The following FLT3 variants were observed in gnomAD, a reference collection of about 807,000 sequenced individuals.
FLT3 encodes the protein receptor-type tyrosine-protein kinase FLT3.
A neutral mutation model predicts 126.6 loss-of-function variants in FLT3; 46 were observed. The observed-to-expected ratio is 0.36, with a 90% CI of 0.29 to 0.46. The LOEUF is 0.46. Ranked by LOEUF, FLT3 falls within the 20% of genes least tolerant of loss-of-function variation. The pLI is 1.00. For missense variants in FLT3, 1,069 were observed against 1,190.3 expected (o/e 0.90, Z 1.50); for synonymous variants, 404 against 434.4 (o/e 0.93, Z 0.87).
chr13:28,089,549 T>C (rs1878892885), intron 1 of FLT3, among the ~76,000 whole-genome samples: 1 of 152,046 alleles, frequency 6.6e-6, no homozygotes, highest in Admixed American at 6.6e-5. Context: ...ATTACTGATA[T>C]ACGTAACAAT....
rs181300763 is a variant in FLT3 at position 28,027,276 on chromosome 13, C to A, written c.2054-35G>T. 324 of 1,551,888 alleles carry A rather than the reference C, an allele frequency of 2.1e-4. 3 individuals are homozygous for A. In the Middle Eastern group the frequency reaches 2.7e-3, roughly 13 times the overall value. On this transcript the variant is annotated intron_variant, in intron 16 of 23. Coordinates refer to ENST00000241453, the MANE Select transcript of FLT3 (RefSeq NM_004119.3). ...TTACAGTTTCAATTATAGGCATACA[C>A]AAAGCAAACTGTTATTTCAGAAGTC...
Position 28,035,259 on chromosome 13 carries a change from T to C in FLT3, c.1597+236A>G, listed in dbSNP as rs2491225. Among the ~76,000 whole-genome samples the C allele has an allele frequency of 0.62, 93,273 of 151,628 alleles. 32,309 individuals are homozygous for C. The highest frequency in any genetic ancestry group is 0.77 in the Non-Finnish European group (52,325 of 67,792). ...ATCTTTCCATGGAGATTCACCACACTGGGAGTTTCTGCTTCTCCCGGTCAC... is the reference window on the plus strand; with the variant it reads ...ATCTTTCCATGGAGATTCACCACACCGGGAGTTTCTGCTTCTCCCGGTCAC... On this transcript the variant is annotated intron_variant, in intron 12 of 23. Transcript: ENST00000241453.
chr13:28,009,868 C>T (rs1871214930), intron 23 of FLT3, among the ~76,000 whole-genome samples: 1 of 152,074 alleles, frequency 6.6e-6, no homozygotes, highest in Non-Finnish European at 1.5e-5. Flanking sequence ...GGCCTCCCTT[C>T]TCTTAAAACA....
chr13:28,037,208 T>A lies in FLT3; in HGVS notation c.1286A>T (p.Lys429Ile). 6.3e-7 allele frequency: 1 copy of A among 1,599,586 alleles called. No homozygotes were observed. The highest frequency in any genetic ancestry group is 8.6e-7 in the Non-Finnish European group (1 of 1,166,932). Residue 429 changes from lysine to isoleucine, a missense_variant, in exon 10 of 24, where the codon AAA becomes ATA. Coordinates refer to ENST00000241453, the MANE Select transcript of FLT3 (RefSeq NM_004119.3). Reference sequence around the variant, plus strand: ...ACTTCTTATATTCAGCGTGAACATTTTGGTAAATTGGGCATCATCATTTTC... The same window carrying A: ...ACTTCTTATATTCAGCGTGAACATTATGGTAAATTGGGCATCATCATTTTC... The part of the protein sequence containing the change: ...HAENDDAQFT[K>I]MFTLNIRRKP...
chr13:28,028,741 T>TC (rs1224666237), intron 15 of FLT3, among the ~76,000 whole-genome samples: 1 of 150,330 alleles, frequency 6.7e-6, no homozygotes, highest in Non-Finnish European at 1.5e-5. Flanking sequence ...TCCTGTGTTT[T>TC]AAGACAGAAT....
chr13:28,037,751 A>G (rs76671509), intron 9 of FLT3, among the ~76,000 whole-genome samples: 1,852 of 152,222 alleles, frequency 0.012, 36 homozygotes, highest in African/African-American at 0.043. Flanking sequence ...TCCATGGCCT[A>G]TTAGGAAAGG....
chr13:28,033,144 C>T (rs1382549884), intron 15 of FLT3, among the ~76,000 whole-genome samples: 18 of 140,708 alleles, frequency 1.3e-4, no homozygotes, highest in Non-Finnish European at 2.6e-4. Flanking sequence ...GGTGAGACAC[C>T]GTATCTACAA....
In FLT3 at chr13:28,048,423, T is replaced by C; in HGVS notation, c.1057A>G (p.Thr353Ala). 1.2e-6 allele frequency: 2 copies of C among 1,605,772 alleles called. No individual in the cohort carries two copies. Among genetic ancestry groups the C allele is most frequent in the South Asian group, 1.1e-5 (1 of 90,506 alleles). Residue 353 changes from threonine to alanine, a missense_variant, in exon 9 of 24, where the codon ACC becomes GCC. Physicochemically the swap from Thr to Ala is moderately conservative, Grantham distance 58. Transcript: ENST00000241453. ...ATTTCATAATCTTCACTTGAATTGG[T>C]AGCATTTATAAATCCCTTTTCTGTA... ...TIVEKGFINA[T>A]NSSEDYEIDQ...
At chr13:28,066,876 TTAATTA>T (rs1337912980) in intron 2 of FLT3, among the ~76,000 whole-genome samples, 1 of 152,182 alleles carries the variant, frequency 6.6e-6, no homozygotes, top group African/African-American at 2.4e-5. Flanking sequence ...AAGACACTTA[TTAATTA>T]TAAGTGAAGA....
chr13:28,089,551 C>T lies in FLT3; in HGVS notation c.43+10917G>A, dbSNP rs145433161. ...CCAGAAAGAAAAAATTACTGATATA[C>T]GTAACAATCACCTGATCAGATAAAT... On this transcript the variant is annotated intron_variant, in intron 1 of 23. Coordinates refer to ENST00000241453, the MANE Select transcript of FLT3 (RefSeq NM_004119.3). Among the ~76,000 whole-genome samples, 100 of 152,088 alleles carry T rather than the reference C, an allele frequency of 6.6e-4. 1 individual carries two copies. Among genetic ancestry groups the T allele is most frequent in the South Asian group, 2.7e-3 (13 of 4,824 alleles).
intron 19 of FLT3, among the ~76,000 whole-genome samples, chr13:28,020,340 C>A (rs748409901): frequency 3.9e-5 from 6 of 152,000 alleles, no homozygotes; most frequent in Non-Finnish European, 5.9e-5. Context: ...CTTTTTTAAA[C>A]TTTTTAAAAT....
intron 20 of FLT3, among the ~76,000 whole-genome samples, chr13:28,017,508 G>T (rs1210942736): frequency 6.6e-6 from 1 of 152,104 alleles, no homozygotes; most frequent in Non-Finnish European, 1.5e-5. Flanking sequence ...TTAAAGGCGT[G>T]AGCCACCAGC....
chr13:28,044,283 T>TA (rs552865655), intron 9 of FLT3, among the ~76,000 whole-genome samples: 85 of 151,850 alleles, frequency 5.6e-4, no homozygotes, highest in Admixed American at 5.5e-3. Context: ...ACCCCGTCTC[T>TA]ACTAAAAATA....
chr13:28,028,106 A>C (rs1322331051), intron 16 of FLT3, 72 bp downstream of exon 16: 2 of 785,534 alleles, frequency 2.5e-6, no homozygotes, highest in Non-Finnish European at 4.6e-6. Context: ...AGAGAGAGAG[A>C]GAGAGCAAAC....
chr13:28,042,792 T>A (rs1374626920), intron 9 of FLT3, among the ~76,000 whole-genome samples: 2 of 151,794 alleles, frequency 1.3e-5, no homozygotes. Context: ...AGGTAGGAGC[T>A]GCTGGTATTT....
At chr13:28,070,991 CTTTTTTTTTT>C (rs11408684) in intron 1 of FLT3, among the ~76,000 whole-genome samples, 1 of 90,902 alleles carries the variant, frequency 1.1e-5, no homozygotes, top group African/African-American at 4.4e-5. Flanking sequence ...AGATTTCTAC[CTTTTTTTTTT>C]TTTTTTTTTT....
intron 1 of FLT3, among the ~76,000 whole-genome samples, chr13:28,076,506 C>T (rs899100917): frequency 1.3e-5 from 2 of 152,152 alleles, no homozygotes; most frequent in African/African-American, 4.8e-5. Flanking sequence ...AATGCAACCC[C>T]AGTCTGAGGC....
chr13:28,022,478 C>G (rs963596065), intron 19 of FLT3, among the ~76,000 whole-genome samples: 1 of 152,070 alleles, frequency 6.6e-6, no homozygotes, highest in African/African-American at 2.4e-5. Flanking sequence ...CGCCACTGCA[C>G]TCCAGCCTGG....
rs75469608 is a variant in FLT3 at position 28,028,016 on chromosome 13, T to G, written c.2053+162A>C. Among the ~76,000 whole-genome samples the G allele has an allele frequency of 6.0e-3, 911 of 152,298 alleles. 9 individuals are homozygous for G. The highest frequency in any genetic ancestry group is 0.02 in the African/African-American group (844 of 41,564). On this transcript the variant is annotated intron_variant, in intron 16 of 23. Transcript: ENST00000241453. The stretch of plus-strand genomic sequence containing the variant: ...TCTTTATTTTGACCCCTCTGATTTA[T>G]AGAGTGCTCAGTGTCTAATTCCACT...
Sources: allele counts gnomAD v4.1 joint callset (sites outside exome capture counted in the v4.1 genomes callset), GRCh38; gene constraint gnomAD v4.1.1; transcripts MANE v1.5; gene names NCBI Gene and HGNC (gene_info 2026-07-23, HGNC 2026-07-21).